Variants in PITPNM2 observed in about 807,000 individuals in gnomAD.
The protein encoded by PITPNM2 is membrane-associated phosphatidylinositol transfer protein 2.
Under a neutral mutation model 132.2 loss-of-function variants are expected in PITPNM2, and 35 were observed. The observed-to-expected ratio is 0.26, with a 90% CI of 0.20 to 0.35. The LOEUF (loss-of-function observed/expected upper bound fraction) is 0.35, where lower values mean the gene tolerates loss of function less well. Ranked by LOEUF, PITPNM2 falls within the 10% of genes least tolerant of loss-of-function variation. The pLI, the probability that PITPNM2 is intolerant of heterozygous loss-of-function variation, is 1.00. For synonymous variants in PITPNM2, 738 were observed against 799.2 expected, an observed-to-expected ratio of 0.92 and a Z score of 1.29; for missense variants, 1,332 against 1,912.0, an observed-to-expected ratio of 0.70 and a Z score of 5.66.
At chr12:123,124,445 A>G (rs2043096847) in intron 1 of PITPNM2, among the ~76,000 whole-genome samples, 1 of 152,142 alleles carries the variant, frequency 6.6e-6, no homozygotes, top group Non-Finnish European at 1.5e-5. Flanking sequence ...AAAAAAAATT[A>G]AAAAGTAATA....
intron 2 of PITPNM2, among the ~76,000 whole-genome samples, chr12:123,069,906 C>T (rs1346917959): frequency 6.6e-6 from 1 of 152,202 alleles, no homozygotes; most frequent in East Asian, 1.9e-4. Context: ...GGTCATCTGC[C>T]CTGACCGTTT....
chr12:123,098,077 C>T (rs2137191817), intron 2 of PITPNM2, among the ~76,000 whole-genome samples: 1 of 152,356 alleles, frequency 6.6e-6, no homozygotes, highest in South Asian at 2.1e-4. Flanking sequence ...GGCAGCAGCA[C>T]AGCCTCACAG....
rs1476702891 is a variant in PITPNM2, at chr12:123,108,528, C to T, written c.-96+1857G>A. On this transcript the variant is annotated intron_variant, in intron 2 of 25. Transcript: ENST00000320201. This position sits in a 1 kb window ranked among gnomAD's most constrained non-coding sequence, Gnocchi z 4.4. ...CAGGACAACCACGAGGCCCCAACCC[C>T]GCAGAACCCGAGTGACCCCTGGAGA... Among the ~76,000 whole-genome samples, 1 of 152,148 alleles carries T rather than the reference C, an allele frequency of 6.6e-6. No individual in the cohort carries two copies. The highest frequency in any genetic ancestry group is 1.5e-5 in the Non-Finnish European group (1 of 68,028).
intron 2 of PITPNM2, among the ~76,000 whole-genome samples, chr12:123,074,751 C>T (rs906549405): frequency 2.0e-5 from 3 of 152,204 alleles, no homozygotes; most frequent in Non-Finnish European, 4.4e-5. Flanking sequence ...GACAGAAAGC[C>T]AGCACCCAGA....
At chr12:123,089,231 T>C (rs1246208139) in intron 2 of PITPNM2, 5 of 152,168 alleles carry the variant, frequency 3.3e-5, no homozygotes, top group African/African-American at 7.2e-5. Flanking sequence ...ACCCTCAAAC[T>C]CTTGGCCTCG....
At chr12:123,068,160 CAGCTTTGCT>C (rs1482650504) in intron 2 of PITPNM2, among the ~76,000 whole-genome samples, 1 of 147,574 alleles carries the variant, frequency 6.8e-6, no homozygotes, top group African/African-American at 2.5e-5. Context: ...CAGGCCAGCT[CAGCTTTGCT>C]AAAAATCCAC....
chr12:123,109,292 A>G (rs2042785857), intron 2 of PITPNM2, among the ~76,000 whole-genome samples: 1 of 152,244 alleles, frequency 6.6e-6, no homozygotes, highest in South Asian at 2.1e-4. Context: ...TCCACCCAAC[A>G]AAGGCCTTGG....
chr12:123,093,486 GCACACA>G (rs147295545), intron 2 of PITPNM2, among the ~76,000 whole-genome samples: 5 of 150,096 alleles, frequency 3.3e-5, no homozygotes, highest in African/African-American at 1.2e-4. Flanking sequence ...ACACACACGC[GCACACA>G]CACACACACC....
At chr12:123,050,658 G>A (rs2040827947) in intron 2 of PITPNM2, among the ~76,000 whole-genome samples, 1 of 152,214 alleles carries the variant, frequency 6.6e-6, no homozygotes, top group East Asian at 1.9e-4. Flanking sequence ...TCACGTGTCT[G>A]TACAACTTCA....
intron 2 of PITPNM2, among the ~76,000 whole-genome samples, chr12:123,051,964 G>A (rs777161122): frequency 6.7e-5 from 10 of 149,954 alleles, no homozygotes; most frequent in Non-Finnish European, 1.2e-4. Context: ...GTGCCGTGGC[G>A]CCATCTCGGC....
At chr12:123,020,838 C>T (rs1046680317) in intron 3 of PITPNM2, among the ~76,000 whole-genome samples, 5 of 151,614 alleles carry the variant, frequency 3.3e-5, no homozygotes, top group Non-Finnish European at 5.9e-5. Context: ...GCCTGGCCAA[C>T]ATGGCAAAAC....
At chr12:123,081,304 G>C (rs138059533) in intron 2 of PITPNM2, 4 of 152,440 alleles carry the variant, frequency 2.6e-5, no homozygotes, top group African/African-American at 4.8e-5. Context: ...CGTGGGTCTG[G>C]AACTGCAGGC....
At chr12:122,990,421 G>A in intron 17 of PITPNM2, 124 bp downstream of exon 17, 1 of 1,379,340 alleles carries the variant, frequency 7.2e-7, no homozygotes, top group African/African-American at 1.4e-5. Flanking sequence ...TACCCACCAG[G>A]TGCCAGCAGC....
At chr12:123,001,891 C>A (rs898386313) in intron 8 of PITPNM2, among the ~76,000 whole-genome samples, 2 of 151,878 alleles carry the variant, frequency 1.3e-5, no homozygotes, top group Admixed American at 1.3e-4. Flanking sequence ...ATTAGTCAGG[C>A]GTGGTGGTGT....
At chr12:123,114,468 C>T (rs562240316) in intron 1 of PITPNM2, among the ~76,000 whole-genome samples, 1 of 149,220 alleles carries the variant, frequency 6.7e-6, no homozygotes, top group South Asian at 2.2e-4. Flanking sequence ...AACCTGGCAA[C>T]TAGATCAGGC....
Position 123,000,928 on chromosome 12 carries a change from A to C in PITPNM2, c.1154-80T>G. On this transcript the variant is annotated intron_variant, in intron 9 of 25. Coordinates refer to ENST00000320201, the MANE Select transcript of PITPNM2 (RefSeq NM_020845.3). This position sits in a 1 kb window ranked among gnomAD's most constrained non-coding sequence, Gnocchi z 5.4. Reference sequence around the variant, plus strand: ...CCGGACAGAGGCTGCAACTGTGACGAGGGGAGCTTGGGGGTCCCCAACTCA... The same window carrying C: ...CCGGACAGAGGCTGCAACTGTGACGCGGGGAGCTTGGGGGTCCCCAACTCA... 6.3e-7 allele frequency: 1 copy of C among 1,576,768 alleles called. No individual in the cohort carries two copies. The highest frequency in any genetic ancestry group is 8.7e-7 in the Non-Finnish European group (1 of 1,147,138).
chr12:123,013,702 C>T, intron 4 of PITPNM2, 126 bp downstream of exon 4: 1 of 1,105,954 alleles, frequency 9.0e-7, no homozygotes, highest in Non-Finnish European at 1.3e-6. Flanking sequence ...GCCTGGGTTC[C>T]CTGGGGTTAT....
chr12:123,033,367 C>T (rs2040159201), intron 3 of PITPNM2, among the ~76,000 whole-genome samples: 1 of 152,198 alleles, frequency 6.6e-6, no homozygotes, highest in African/African-American at 2.4e-5. Context: ...ATAGAAAGGA[C>T]TGCAGCCAGG....
At chr12:123,070,148 T>C (rs118149403) in intron 2 of PITPNM2, among the ~76,000 whole-genome samples, 4,521 of 152,268 alleles carry the variant, frequency 0.03, 104 homozygotes, top group Non-Finnish European at 0.046. Context: ...GAGGTCGCCA[T>C]GCCCTGGCCC....
Sources: gnomAD v4.1 joint callset for allele counts (sites outside exome capture counted in the v4.1 genomes callset) on GRCh38, gnomAD v4.1.1 for gene constraint, Gnocchi (gnomAD v3.1) non-coding constraint, MANE v1.5 for transcripts, NCBI Gene and HGNC (gene_info 2026-07-23, HGNC 2026-07-21) for gene names.